Variants in ST3GAL5 observed in about 807,000 individuals in gnomAD.
ST3GAL5 encodes the protein lactosylceramide alpha-2,3-sialyltransferase.
In ST3GAL5, 25 loss-of-function variants were observed where a neutral mutation model predicts 46.1. The observed-to-expected ratio is 0.54, with a 90% CI of 0.40 to 0.76. The LOEUF is 0.76. Among genes scored for constraint, ST3GAL5 ranks in the 30% least tolerant of loss-of-function variants. The probability of loss-of-function intolerance (pLI) is 0.00; values close to 1 mark genes in which losing one functional copy is unlikely to be tolerated. For synonymous variants in ST3GAL5, 182 were observed against 192.7 expected (o/e 0.94, Z 0.46); for missense variants, 431 against 521.2 (o/e 0.83, Z 1.69).
intron 3 of ST3GAL5, chr2:85,856,155 T>C (rs1230122530): frequency 1.3e-5 from 2 of 152,196 alleles, no homozygotes; most frequent in Non-Finnish European, 2.9e-5. Context: ...CACAGCAGCA[T>C]TATTCATAAT....
chr2:85,840,964 A>AAAAAAAAAAAC (rs1681984303), intron 6 of ST3GAL5, among the ~76,000 whole-genome samples: 2 of 149,690 alleles, frequency 1.3e-5, no homozygotes, highest in Non-Finnish European at 3.0e-5. Context: ...AAAAAAAAAA[A>AAAAAAAAAAAC]AAGGCATTCC....
chr2:85,872,642 A>G lies in ST3GAL5; in HGVS notation c.83-9157T>C, dbSNP rs2104162965. 1.3e-5 allele frequency among the ~76,000 whole-genome samples: 2 copies of G among 151,580 alleles called. 1 individual carries two copies. The highest frequency in any genetic ancestry group is 4.2e-4 in the South Asian group (2 of 4,808). ...GGGAACGTGCACGGGGCCGGCTGGAACTTCTGCAGCAGGTCTGACTGAAGT... is the reference window on the plus strand; with the variant it reads ...GGGAACGTGCACGGGGCCGGCTGGAGCTTCTGCAGCAGGTCTGACTGAAGT... On this transcript the variant is annotated intron_variant, in intron 1 of 6. Coordinates refer to ENST00000638572, the MANE Select transcript of ST3GAL5 (RefSeq NM_003896.4).
Position 85,866,709 on chromosome 2 carries a change from C to T in ST3GAL5, c.83-3224G>A, listed in dbSNP as rs116912283. ...TCACCACCACATCCATCCCTGGGCACGTCCCTATCTCTGTTTACCACAATG... is the reference window on the plus strand; with the variant it reads ...TCACCACCACATCCATCCCTGGGCATGTCCCTATCTCTGTTTACCACAATG... On this transcript the variant is annotated intron_variant, in intron 1 of 6. Transcript: ENST00000638572. Among the ~76,000 whole-genome samples the T allele has an allele frequency of 1.7e-3, 261 of 152,356 alleles. 6 individuals are homozygous for T. The East Asian group carries it at 0.019, about 11-fold the overall frequency.
intron 3 of ST3GAL5, chr2:85,851,802 C>A: frequency 9.9e-7 from 1 of 1,015,168 alleles, no homozygotes; most frequent in Non-Finnish European, 1.3e-6. Context: ...TGGCATTCAT[C>A]CAGATGAGGC....
chr2:85,851,514 G>T, intron 3 of ST3GAL5: 1 of 1,288,340 alleles, frequency 7.8e-7, no homozygotes, highest in South Asian at 1.2e-5. Context: ...ACTCTGGGAT[G>T]GTTTCTGTTC....
At chr2:85,862,975 T>C (rs1684883905) in intron 2 of ST3GAL5, among the ~76,000 whole-genome samples, 1 of 152,234 alleles carries the variant, frequency 6.6e-6, no homozygotes, top group South Asian at 2.1e-4. Context: ...ATTCGATATT[T>C]AACAGTATTC....
chr2:85,871,203 A>AT (rs1296655953), intron 1 of ST3GAL5, among the ~76,000 whole-genome samples: 2 of 152,022 alleles, frequency 1.3e-5, no homozygotes, highest in Non-Finnish European at 2.9e-5. Flanking sequence ...TACCCAGCTG[A>AT]TTTTTTTAAT....
intron 1 of ST3GAL5, among the ~76,000 whole-genome samples, chr2:85,884,413 T>C (rs1359466930): frequency 6.6e-6 from 1 of 152,182 alleles, no homozygotes; most frequent in African/African-American, 2.4e-5. Context: ...TGGAAACTTT[T>C]TGGGAAATTG....
chr2:85,852,573 G>GC (rs1683636466), intron 3 of ST3GAL5, among the ~76,000 whole-genome samples: 1 of 151,060 alleles, frequency 6.6e-6, no homozygotes. Context: ...CTGGGGTGGG[G>GC]TTGAGGGTGG....
chr2:85,847,497 G>A, intron 4 of ST3GAL5: 1 of 1,050,870 alleles, frequency 9.5e-7, no homozygotes, highest in Non-Finnish European at 1.2e-6. Context: ...GGCAGGGACT[G>A]TGAAGAGCTT....
chr2:85,876,847 CG>C lies in ST3GAL5; in HGVS notation c.82+11976del, dbSNP rs201964109. ...GTGGGCGTGACTTCTATAATGACCA[CG>C]GAAAGGGCAGACACTGAAAAGCCCT... On this transcript the variant is annotated intron_variant, in intron 1 of 6. Coordinates refer to ENST00000638572, the MANE Select transcript of ST3GAL5 (RefSeq NM_003896.4). Among the ~76,000 whole-genome samples, 764 of 152,270 alleles carry C rather than the reference CG, an allele frequency of 5.0e-3. 5 individuals are homozygous for C. Among genetic ancestry groups the C allele is most frequent in the African/African-American group, 0.017 (695 of 41,568 alleles).
At chr2:85,847,731 G>T in intron 4 of ST3GAL5, 130 bp downstream of exon 4, 1 of 1,372,112 alleles carries the variant, frequency 7.3e-7, no homozygotes, top group Non-Finnish European at 9.7e-7. Context: ...GGAAGTTGAG[G>T]CTGCAGTGAG....
chr2:85,862,609 C>A (rs1376305590), intron 2 of ST3GAL5, among the ~76,000 whole-genome samples: 2 of 152,200 alleles, frequency 1.3e-5, no homozygotes, highest in African/African-American at 4.8e-5. Flanking sequence ...GCCTAAGCAG[C>A]ACAGGGCGCA....
chr2:85,867,784 T>C, intron 1 of ST3GAL5: 2 of 686,622 alleles, frequency 2.9e-6, no homozygotes, highest in East Asian at 2.7e-5. Flanking sequence ...ACTTATGGTA[T>C]AACGGCAAGA....
intron 2 of ST3GAL5, among the ~76,000 whole-genome samples, chr2:85,861,645 T>TAAAAAAAAAAA (rs3046643): frequency 2.6e-4 from 32 of 123,722 alleles, no homozygotes; most frequent in African/African-American, 4.0e-4. Context: ...TGTCAGTCCT[T>TAAAAAAAAAAA]AAAAAAAAAA....
chr2:85,848,045 G>C lies in ST3GAL5; in HGVS notation c.478C>G (p.Pro160Ala). 6.2e-7 allele frequency: 1 copy of C among 1,614,154 alleles called. No homozygotes were observed. The highest frequency in any genetic ancestry group is 1.6e-4 in the Middle Eastern group (1 of 6,062). The stretch of plus-strand genomic sequence containing the variant: ...GAGAACTTCCGGAACCCAAAAGGAG[G>C]ATCGTACTTGGACTCAGCTTCACTG... ...KDSEAESKYD[P>A]PFGFRKFSSK... Residue 160 changes from proline to alanine, a missense_variant, in exon 4 of 7, where the codon CCT becomes GCT. Pro to Ala is a conservative substitution (Grantham distance 27). Transcript: ENST00000638572.
Position 85,888,808 on chromosome 2 carries a change from G to A in ST3GAL5, c.82+16C>T. 3.3e-6 allele frequency: 4 copies of A among 1,230,282 alleles called. No individual in the cohort carries two copies. The highest frequency in any genetic ancestry group is 4.0e-6 in the Non-Finnish European group (4 of 988,254). 76.2% of individuals were successfully genotyped at this position (1,230,282 alleles called of 1,614,324 possible). A position where few individuals can be genotyped will look rare whatever the true frequency, so the allele number is the denominator to read the frequency against. The stretch of plus-strand genomic sequence containing the variant: ...GCGGGCCCCCGCGACGCCGAGGAGG[G>A]GGCTGCGCCACGTACCTCGGCCGGC... On this transcript the variant is annotated intron_variant, in intron 1 of 6. Coordinates refer to ENST00000638572, the MANE Select transcript of ST3GAL5 (RefSeq NM_003896.4).
intron 3 of ST3GAL5, among the ~76,000 whole-genome samples, chr2:85,859,957 C>T (rs1257201298): frequency 2.0e-5 from 3 of 152,158 alleles, no homozygotes; most frequent in Non-Finnish European, 4.4e-5. Context: ...TCTGTGGACA[C>T]TCCCTAACCA....
At chr2:85,887,754 T>G (rs988776696) in intron 1 of ST3GAL5, 1 of 152,248 alleles carries the variant, frequency 6.6e-6, no homozygotes, top group African/African-American at 2.4e-5. Flanking sequence ...AGCAGCTGTA[T>G]CCTTCCGTGG....
Sources: allele counts gnomAD v4.1 joint callset (sites outside exome capture counted in the v4.1 genomes callset), GRCh38; gene constraint gnomAD v4.1.1; transcripts MANE v1.5; gene names NCBI Gene and HGNC (gene_info 2026-07-23, HGNC 2026-07-21).